FLOT1: variants seen among roughly 807,000 people sequenced by gnomAD.
The protein encoded by FLOT1 is flotillin-1.
A neutral mutation model predicts 58.4 loss-of-function variants in FLOT1; 40 were observed. The ratio of observed to expected loss-of-function variants is 0.69; its 90% CI spans 0.53 to 0.89. The LOEUF is 0.89. Among genes scored for constraint, FLOT1 ranks in the 40% least tolerant of loss-of-function variants. The probability of loss-of-function intolerance (pLI) is 0.00; values close to 1 mark genes in which losing one functional copy is unlikely to be tolerated. For missense variants in FLOT1, 423 were observed against 540.8 expected, an observed-to-expected ratio of 0.78 and a Z score of 2.16; for synonymous variants, 178 against 204.2, an observed-to-expected ratio of 0.87 and a Z score of 1.09.
At position 30,741,177 on chromosome 6, in the gene FLOT1, C is replaced by T; in HGVS notation, c.354+13G>A. 10 of 1,612,630 alleles carry T rather than the reference C, an allele frequency of 6.2e-6. No homozygotes were observed. Among genetic ancestry groups the T allele is most frequent in the African/African-American group, 2.7e-5 (2 of 75,050 alleles). On this transcript the variant is annotated intron_variant, in intron 5 of 12. Coordinates refer to ENST00000376389, the MANE Select transcript of FLOT1 (RefSeq NM_005803.4). This position sits in a 1 kb window ranked among gnomAD's most constrained non-coding sequence, Gnocchi z 5.9. The stretch of plus-strand genomic sequence containing the variant: ...TGACATCCTTCCAGATGGTTCCCTG[C>T]CCCTAGGCCAACCTCCACAGTCATG...
Position 30,737,786 on chromosome 6 carries a change from T to G in FLOT1, c.723+2372A>C, listed in dbSNP as rs374426629. Among the ~76,000 whole-genome samples, 9 of 152,308 alleles carry G rather than the reference T, an allele frequency of 5.9e-5. No individual in the cohort carries two copies. The highest frequency in any genetic ancestry group is 2.2e-4 in the African/African-American group (9 of 41,578). ...AAGAATTATAGCCTGGGAAGGTCAT[T>G]TACTTGCTTACTAGCTGTTTCCTGT... is the stretch of plus-strand genomic sequence containing the variant. On this transcript the variant is annotated intron_variant, in intron 8 of 12. Transcript: ENST00000376389. This position sits in a 1 kb window ranked among gnomAD's most constrained non-coding sequence, Gnocchi z 4.4.
Position 30,737,640 on chromosome 6 carries a change from G to A in FLOT1, c.723+2518C>T, listed in dbSNP as rs1777692293. On this transcript the variant is annotated intron_variant, in intron 8 of 12. Coordinates refer to ENST00000376389, the MANE Select transcript of FLOT1 (RefSeq NM_005803.4). This position sits in a 1 kb window ranked among gnomAD's most constrained non-coding sequence, Gnocchi z 4.4. ...GTACATTGTTCCTTCTTATCTCCAA[G>A]TCTGATCTCAAACACCACTTCCTCA... Among the ~76,000 whole-genome samples, 1 of 152,062 alleles carries A rather than the reference G, an allele frequency of 6.6e-6. No individual in the cohort carries two copies. The highest frequency in any genetic ancestry group is 1.5e-5 in the Non-Finnish European group (1 of 68,006).
At position 30,741,573 on chromosome 6, in the gene FLOT1, TG is replaced by T. The variant is rs774474479; in HGVS notation, c.210+40del. 1 of 1,449,334 alleles carries T rather than the reference TG, an allele frequency of 6.9e-7. No homozygotes were observed. The highest frequency in any genetic ancestry group is 1.1e-5 in the South Asian group (1 of 87,710). 89.8% of individuals were successfully genotyped at this position (1,449,334 alleles called of 1,614,324 possible). On this transcript the variant is annotated intron_variant, in intron 4 of 12. Transcript: ENST00000376389. This position sits in a 1 kb window ranked among gnomAD's most constrained non-coding sequence, Gnocchi z 5.9. Reference sequence around the variant, plus strand: ...TCTTAATGTCTGGGAGAGAGGGTGATGGGGAAGTGGACTGTGGGGAAAAGGC... The same window carrying T: ...TCTTAATGTCTGGGAGAGAGGGTGATGGGAAGTGGACTGTGGGGAAAAGGC...
At position 30,737,763 on chromosome 6, in the gene FLOT1, G is replaced by T. The variant is rs1300915120; in HGVS notation, c.723+2395C>A. Among the ~76,000 whole-genome samples, 1 of 152,090 alleles carries T rather than the reference G, an allele frequency of 6.6e-6. No homozygotes were observed. Among genetic ancestry groups the T allele is most frequent in the Non-Finnish European group, 1.5e-5 (1 of 68,020 alleles). On this transcript the variant is annotated intron_variant, in intron 8 of 12. Coordinates refer to ENST00000376389, the MANE Select transcript of FLOT1 (RefSeq NM_005803.4). The surrounding 1 kb of genome is among the most constrained non-coding windows in gnomAD (Gnocchi z 4.4). ...TATTTCCTTCACAGCACCTAAACAAGAATTATAGCCTGGGAAGGTCATTTA... is the reference window on the plus strand; with the variant it reads ...TATTTCCTTCACAGCACCTAAACAATAATTATAGCCTGGGAAGGTCATTTA...
chr6:30,740,287 C>A lies in FLOT1; in HGVS notation c.594G>T (p.Lys198Asn), dbSNP rs1320004781. 2 of 1,612,916 alleles carry A rather than the reference C, an allele frequency of 1.2e-6. No individual in the cohort carries two copies. Among genetic ancestry groups the A allele is most frequent in the Non-Finnish European group, 1.7e-6 (2 of 1,180,034 alleles). Residue 198 changes from lysine (K) to asparagine (N), a missense_variant, in exon 8 of 13, where the codon AAG (lysine) becomes AAT (asparagine). Physicochemically the swap from Lys to Asn is moderately conservative, Grantham distance 94 (BLOSUM62 0). Coordinates refer to ENST00000376389, the MANE Select transcript of FLOT1 (RefSeq NM_005803.4). The part of the protein sequence containing the change: ...GIREAKAKQE[K>N]VSAQYLSEIE... Reference sequence around the variant, plus strand: ...TCTCACTCAGGTACTGAGCAGACACCTTTTCCTGCTTGGCTTTAGCTTCCT... The same window carrying A: ...TCTCACTCAGGTACTGAGCAGACACATTTTCCTGCTTGGCTTTAGCTTCCT...
chr6:30,740,414 C>T (rs1777883171), intron 7 of FLOT1, 82 bp downstream of exon 7: 2 of 1,588,894 alleles, frequency 1.3e-6, no homozygotes, highest in Non-Finnish European at 1.7e-6. Flanking sequence ...ATGTATTTTC[C>T]CTGCTCACCC....
At chr6:30,729,976 A>G in intron 12 of FLOT1, 46 bp downstream of exon 12, 1 of 1,580,944 alleles carries the variant, frequency 6.3e-7, no homozygotes, top group Non-Finnish European at 8.7e-7. Flanking sequence ...GTGTCACACA[A>G]CACAGGAACC....
chr6:30,741,113 C>T lies in FLOT1; in HGVS notation c.354+77G>A, dbSNP rs1777947181. ...GGATGTATGCTCTTGGATCCACTGT[C>T]TCTCACAGACTAGTGTGGGCCTTGG... On this transcript the variant is annotated intron_variant, in intron 5 of 12. Transcript: ENST00000376389. This position sits in a 1 kb window ranked among gnomAD's most constrained non-coding sequence, Gnocchi z 5.9. 2 of 1,536,874 alleles carry T rather than the reference C, an allele frequency of 1.3e-6. No homozygotes were observed. Among genetic ancestry groups the T allele is most frequent in the Non-Finnish European group, 1.8e-6 (2 of 1,119,268 alleles).
chr6:30,730,518 G>A lies in FLOT1; in HGVS notation c.999C>T (p.Ala333=), dbSNP rs758739921. The stretch of plus-strand genomic sequence containing the variant: ...CCTTCTTGGCCATCTGCTCAGCCTC[G>A]GCTCGGGCTCGGGCCCCTATGGCAA... ...EAFAIGARAR[A]EAEQMAKKAE... is the part of the protein sequence containing the mutation. The change falls in exon 11 of 13, where the codon GCC becomes GCT. Residue 333 remains alanine (A), a synonymous_variant. Coordinates refer to ENST00000376389, the MANE Select transcript of FLOT1 (RefSeq NM_005803.4). The A allele has an allele frequency of 1.2e-5, 20 of 1,610,402 alleles. 1 individual carries two copies. Among genetic ancestry groups the A allele is most frequent in the East Asian group, 2.2e-5 (1 of 44,798 alleles).
chr6:30,728,853 C>G (rs926573342), intron 12 of FLOT1, among the ~76,000 whole-genome samples: 10 of 151,746 alleles, frequency 6.6e-5, no homozygotes, highest in Admixed American at 1.3e-4. Context: ...GCTATCTCGG[C>G]TCACTGCAAG....
At chr6:30,729,368 T>G (rs1410637233) in intron 12 of FLOT1, among the ~76,000 whole-genome samples, 1 of 152,180 alleles carries the variant, frequency 6.6e-6, no homozygotes, top group Non-Finnish European at 1.5e-5. Context: ...CGTAAGCCAC[T>G]GCACCTGGCC....
chr6:30,733,748 AAAAAAAAG>A (rs1332067609), intron 8 of FLOT1, among the ~76,000 whole-genome samples: 2 of 125,884 alleles, frequency 1.6e-5, no homozygotes, highest in African/African-American at 3.6e-5. Context: ...CTCAAAAAAA[AAAAAAAAG>A]AAAAGAAAGC....
chr6:30,740,627 G>A (rs1562194639), intron 6 of FLOT1, 36 bp from the exon 7 acceptor site: 1 of 1,612,970 alleles, frequency 6.2e-7, no homozygotes, highest in Non-Finnish European at 8.5e-7. Flanking sequence ...CCTTTGGAGG[G>A]CTTAAGAGAT....
At chr6:30,731,138 C>G in intron 8 of FLOT1, 38 bp from the exon 9 acceptor site, 1 of 1,558,816 alleles carries the variant, frequency 6.4e-7, no homozygotes, top group Admixed American at 1.8e-5. Context: ...CGCTCTGAGT[C>G]AGAGGTGAAG....
In FLOT1 at chr6:30,731,549, CAGTCCAGTGG is replaced by C. The variant is rs555469841; in HGVS notation, c.724-459_724-450del. 3.7e-4 allele frequency among the ~76,000 whole-genome samples: 56 copies of C among 151,506 alleles called. 2 individuals carry two copies. The East Asian group carries it at 0.011, about 29-fold the overall frequency. ...GTGGGTTCCCTCCTGTCTGCTTGGC[CAGTCCAGTGG>C]AGTCCAGTGTTTCTCTGATGAGCCC... On this transcript the variant is annotated intron_variant, in intron 8 of 12. Transcript: ENST00000376389.
At chr6:30,735,813 T>C (rs1777526647) in intron 8 of FLOT1, among the ~76,000 whole-genome samples, 1 of 152,224 alleles carries the variant, frequency 6.6e-6, no homozygotes, top group African/African-American at 2.4e-5. Flanking sequence ...TGCCAGCTCC[T>C]GAGCCTCAGA....
chr6:30,742,509 C>T lies in FLOT1; in HGVS notation c.-15+18G>A. ...GCTTCTCGGCAGCCCCAGGCTCCATCTCCCCTCCCCCACTCACCTTCCGGG... is the reference window on the plus strand; with the variant it reads ...GCTTCTCGGCAGCCCCAGGCTCCATTTCCCCTCCCCCACTCACCTTCCGGG... On this transcript the variant is annotated intron_variant, in intron 1 of 12. Transcript: ENST00000376389. This position sits in a 1 kb window ranked among gnomAD's most constrained non-coding sequence, Gnocchi z 5.2. 2.5e-6 allele frequency: 1 copy of T among 407,070 alleles called. No individual in the cohort carries two copies. The highest frequency in any genetic ancestry group is 4.7e-5 in the East Asian group (1 of 21,138). The allele number at this position is 407,070 out of a possible 1,614,324, so 25.2% of individuals were successfully genotyped here.
At chr6:30,728,269 G>A in intron 12 of FLOT1, 124 bp from the exon 13 acceptor site, 1 of 790,810 alleles carries the variant, frequency 1.3e-6, no homozygotes, top group Non-Finnish European at 2.2e-6. Flanking sequence ...GGTTCTTTCT[G>A]GTGCCCTACC....
Position 30,741,759 on chromosome 6 carries a change from A to C in FLOT1, c.119+33T>G. The C allele has an allele frequency of 1.2e-6, 2 of 1,610,784 alleles. No individual in the cohort carries two copies. Among genetic ancestry groups the C allele is most frequent in the Non-Finnish European group, 1.7e-6 (2 of 1,177,964 alleles). ...GAAGAGGAGGAAAAAGAGAAAACGG[A>C]GGTCCCCCTTCCCTGGTTCCCTTCT... On this transcript the variant is annotated intron_variant, in intron 3 of 12. Transcript: ENST00000376389. This position sits in a 1 kb window ranked among gnomAD's most constrained non-coding sequence, Gnocchi z 5.9.
Sources: allele counts gnomAD v4.1 joint callset (sites outside exome capture counted in the v4.1 genomes callset), GRCh38; gene constraint gnomAD v4.1.1; non-coding constraint Gnocchi (gnomAD v3.1); transcripts MANE v1.5; gene names NCBI Gene and HGNC (gene_info 2026-07-23, HGNC 2026-07-21).